Variants in TMTC2 observed in about 807,000 individuals in gnomAD.
The protein encoded by TMTC2 is transmembrane O-mannosyltransferase targeting cadherins 2.
In TMTC2, 43 loss-of-function variants were observed where a neutral mutation model predicts 82.4. That is an observed-to-expected ratio of 0.52 (90% CI 0.41 to 0.67). TMTC2 has a LOEUF of 0.67. Among genes scored for constraint, TMTC2 ranks in the 30% least tolerant of loss-of-function variants. The pLI, the probability that TMTC2 is intolerant of heterozygous loss-of-function variation, is 0.00. For synonymous variants in TMTC2, 408 were observed against 381.9 expected, an observed-to-expected ratio of 1.07 and a Z score of -0.80; for missense variants, 919 against 1,012.4, an observed-to-expected ratio of 0.91 and a Z score of 1.25.
At chr12:83,034,462 C>T (rs771572440) in intron 9 of TMTC2, among the ~76,000 whole-genome samples, 1 of 152,050 alleles carries the variant, frequency 6.6e-6, no homozygotes, top group Non-Finnish European at 1.5e-5. Flanking sequence ...CCCATAGGGA[C>T]TTGGAGACTG....
intron 1 of TMTC2, among the ~76,000 whole-genome samples, chr12:82,772,578 G>A (rs1877365743): frequency 6.6e-6 from 1 of 152,138 alleles, no homozygotes; most frequent in South Asian, 2.1e-4. Context: ...GAAAGCGTTA[G>A]TAGACATAGT....
At chr12:82,820,584 A>G (rs1259213778) in intron 1 of TMTC2, among the ~76,000 whole-genome samples, 4 of 152,160 alleles carry the variant, frequency 2.6e-5, no homozygotes, top group African/African-American at 9.7e-5. Context: ...CATATTGGTC[A>G]GGCTGGTCTT....
chr12:83,100,374 TTG>T (rs752392715), intron 11 of TMTC2, among the ~76,000 whole-genome samples: 3 of 151,122 alleles, frequency 2.0e-5, no homozygotes, highest in African/African-American at 4.8e-5. Flanking sequence ...ATTTGTTTGT[TTG>T]TGTTTTTTTT....
At chr12:82,991,736 C>T (rs1379085781) in intron 8 of TMTC2, among the ~76,000 whole-genome samples, 1 of 152,056 alleles carries the variant, frequency 6.6e-6, no homozygotes, top group Non-Finnish European at 1.5e-5. Context: ...GGGCAAGTGC[C>T]ATGAATTTAA....
At chr12:83,129,005 A>G (rs1023889877) in intron 11 of TMTC2, among the ~76,000 whole-genome samples, 1 of 152,190 alleles carries the variant, frequency 6.6e-6, no homozygotes, top group Non-Finnish European at 1.5e-5. Flanking sequence ...TACTTATTAC[A>G]TATGTCACAT....
intron 4 of TMTC2, among the ~76,000 whole-genome samples, chr12:82,964,191 G>C (rs1878082555): frequency 6.6e-6 from 1 of 151,846 alleles, no homozygotes; most frequent in East Asian, 2.0e-4. Context: ...CAAGAGAATG[G>C]GGATAGGCCA....
chr12:83,102,258 T>C (rs1258510704), intron 11 of TMTC2, among the ~76,000 whole-genome samples: 1 of 152,230 alleles, frequency 6.6e-6, no homozygotes, highest in African/African-American at 2.4e-5. Flanking sequence ...TATGCTATTT[T>C]TTTAGTCTTT....
chr12:82,693,899 C>T (rs576078710), intron 1 of TMTC2, among the ~76,000 whole-genome samples: 7 of 138,556 alleles, frequency 5.1e-5, no homozygotes, highest in East Asian at 2.3e-4. Context: ...AACTGGAAGG[C>T]GGAGGATGCA....
chr12:82,808,205 T>C (rs1879330646), intron 1 of TMTC2, among the ~76,000 whole-genome samples: 1 of 151,970 alleles, frequency 6.6e-6, no homozygotes, highest in Admixed American at 6.6e-5. Context: ...ACAGTAAAAA[T>C]TATTAGCTAA....
chr12:83,114,271 TAGTA>T (rs1345236981), intron 11 of TMTC2, among the ~76,000 whole-genome samples: 1 of 149,074 alleles, frequency 6.7e-6, no homozygotes, highest in Non-Finnish European at 1.5e-5. Context: ...AAAAAAAAAA[TAGTA>T]AGAGGAAACA....
chr12:82,741,602 C>T (rs752743112), intron 1 of TMTC2, among the ~76,000 whole-genome samples: 17 of 152,220 alleles, frequency 1.1e-4, no homozygotes, highest in Admixed American at 1.3e-4. Context: ...AGCCACCACA[C>T]GCAGCTGGTG....
At chr12:82,689,959 A>G (rs1225089639) in intron 1 of TMTC2, among the ~76,000 whole-genome samples, 1 of 152,260 alleles carries the variant, frequency 6.6e-6, no homozygotes, top group Non-Finnish European at 1.5e-5. Context: ...GCAGAACTAC[A>G]TATGCCATCA....
chr12:83,069,402 G>C (rs530917179), intron 11 of TMTC2, among the ~76,000 whole-genome samples: 4 of 152,264 alleles, frequency 2.6e-5, no homozygotes, highest in South Asian at 2.1e-4. Context: ...GCAGGAGTAA[G>C]GTGGTGTTGC....
At chr12:82,695,238 T>C (rs1872731686) in intron 1 of TMTC2, among the ~76,000 whole-genome samples, 1 of 152,252 alleles carries the variant, frequency 6.6e-6, no homozygotes, top group African/African-American at 2.4e-5. Context: ...AGTTCATAAG[T>C]TTATTTCTTA....
At chr12:82,872,075 G>A (rs115705008) in intron 2 of TMTC2, among the ~76,000 whole-genome samples, 4,595 of 119,020 alleles carry the variant, frequency 0.039, 258 homozygotes, top group African/African-American at 0.13. Flanking sequence ...TAAAAAAATA[G>A]CCAGATAATT....
At chr12:82,910,288 G>A (rs1874561142) in intron 3 of TMTC2, among the ~76,000 whole-genome samples, 1 of 152,148 alleles carries the variant, frequency 6.6e-6, no homozygotes, top group African/African-American at 2.4e-5. Flanking sequence ...ACTGAAATGG[G>A]AAAATTTCCC....
chr12:82,947,970 C>A (rs957699895), intron 4 of TMTC2, among the ~76,000 whole-genome samples: 1 of 152,160 alleles, frequency 6.6e-6, no homozygotes, highest in African/African-American at 2.4e-5. Flanking sequence ...CTAAATGATG[C>A]CTATGGCAAT....
At chr12:82,809,954 A>ATCC (rs1198499063) in intron 1 of TMTC2, among the ~76,000 whole-genome samples, 2 of 152,254 alleles carry the variant, frequency 1.3e-5, no homozygotes, top group East Asian at 3.9e-4. Flanking sequence ...TATTCTCCAA[A>ATCC]TTAGGCTGGT....
intron 4 of TMTC2, among the ~76,000 whole-genome samples, chr12:82,933,501 T>C (rs904687544): frequency 1.3e-5 from 2 of 152,180 alleles, no homozygotes; most frequent in African/African-American, 4.8e-5. Context: ...TTGTTCTATC[T>C]TAACTCCTAA....
Sources: gnomAD v4.1 joint callset for allele counts (sites outside exome capture counted in the v4.1 genomes callset) on GRCh38, gnomAD v4.1.1 for gene constraint, MANE v1.5 for transcripts, NCBI Gene and HGNC (gene_info 2026-07-23, HGNC 2026-07-21) for gene names.